The following DDX50 variants were observed in gnomAD, a reference collection of about 807,000 sequenced individuals.
DDX50 encodes ATP-dependent RNA helicase DDX50.
A neutral mutation model predicts 94.8 loss-of-function variants in DDX50; 56 were observed. That is an observed-to-expected ratio of 0.59 (90% CI 0.48 to 0.74). The LOEUF is 0.74. Among genes scored for constraint, DDX50 ranks in the 30% least tolerant of loss-of-function variants. The pLI, the probability that DDX50 is intolerant of heterozygous loss-of-function variation, is 0.00. For missense variants in DDX50, 713 were observed against 881.2 expected, an observed-to-expected ratio of 0.81 and a Z score of 2.42; for synonymous variants, 264 against 295.4, an observed-to-expected ratio of 0.89 and a Z score of 1.09.
Position 68,901,434 on chromosome 10 carries a change from TG to T in DDX50, c.52del (p.Glu18ArgfsTer49). On this transcript the variant is annotated frameshift_variant, in exon 1 of 15. Coordinates refer to ENST00000373585, the MANE Select transcript of DDX50 (RefSeq NM_024045.2). LOFTEE classifies it high-confidence loss of function. ...WGDIMELEAP[L>X]EESESQKKER... ...GACATTATGGAGCTGGAAGCACCCTTGGAGGAGTCCGAGAGCCAGAAGAAGG... is the reference window on the plus strand; with the variant it reads ...GACATTATGGAGCTGGAAGCACCCTTGAGGAGTCCGAGAGCCAGAAGAAGG... The T allele has an allele frequency of 6.3e-7, 1 of 1,576,378 alleles. No individual in the cohort carries two copies. Among genetic ancestry groups the T allele is most frequent in the Non-Finnish European group, 8.6e-7 (1 of 1,161,644 alleles).
intron 2 of DDX50, among the ~76,000 whole-genome samples, chr10:68,909,937 C>T (rs896408096): frequency 7.2e-5 from 11 of 152,172 alleles, no homozygotes; most frequent in South Asian, 4.1e-4. Flanking sequence ...GCTGGGATTA[C>T]GGGCATGAGC....
At chr10:68,902,666 C>G (rs760964334) in intron 1 of DDX50, among the ~76,000 whole-genome samples, 15 of 152,140 alleles carry the variant, frequency 9.9e-5, no homozygotes, top group Non-Finnish European at 1.6e-4. Context: ...TCTACTTTCG[C>G]TCTGTGAATT....
At chr10:68,915,208 T>G (rs1227611337) in intron 7 of DDX50, among the ~76,000 whole-genome samples, 2 of 150,730 alleles carry the variant, frequency 1.3e-5, no homozygotes, top group Admixed American at 1.3e-4. Flanking sequence ...GGTCAGGAGA[T>G]CGAGACCATC....
Position 68,935,685 on chromosome 10 carries a change from A to G in DDX50, c.1522-321A>G, listed in dbSNP as rs1405970573. Reference sequence around the variant, plus strand: ...CCCCATCTCTACTAAAAATACCAAAATTAGCTGGGCATGGTGGTAGACACC... The same window carrying G: ...CCCCATCTCTACTAAAAATACCAAAGTTAGCTGGGCATGGTGGTAGACACC... On this transcript the variant is annotated intron_variant, in intron 10 of 14. Transcript: ENST00000373585. 6.6e-5 allele frequency among the ~76,000 whole-genome samples: 10 copies of G among 152,266 alleles called. No individual in the cohort carries two copies. In the East Asian group the frequency reaches 1.9e-3, roughly 29 times the overall value.
At chr10:68,943,080 G>T in intron 13 of DDX50, 133 bp from the exon 14 acceptor site, 1 of 740,932 alleles carries the variant, frequency 1.3e-6, no homozygotes, top group South Asian at 1.7e-5. Context: ...ATTCTTATTG[G>T]ATACTGTGTT....
Position 68,934,996 on chromosome 10 carries a change from C to A in DDX50, c.1521+78C>A. 1 of 1,479,394 alleles carries A rather than the reference C, an allele frequency of 6.8e-7. No homozygotes were observed. 91.6% of individuals were successfully genotyped at this position (1,479,394 alleles called of 1,614,324 possible). A position where few individuals can be genotyped will look rare whatever the true frequency, so the allele number is the denominator to read the frequency against. Reference sequence around the variant, plus strand: ...AGAGCTCTTCTTATATTTATTCTTACAAGTAGGTCTTCATAACTTTTCTCA... The same window carrying A: ...AGAGCTCTTCTTATATTTATTCTTAAAAGTAGGTCTTCATAACTTTTCTCA... On this transcript the variant is annotated intron_variant, in intron 10 of 14. Transcript: ENST00000373585. The surrounding 1 kb of genome is among the most constrained non-coding windows in gnomAD (Gnocchi z 4.0).
At chr10:68,933,849 C>T (rs1474004606) in intron 8 of DDX50, among the ~76,000 whole-genome samples, 2 of 151,458 alleles carry the variant, frequency 1.3e-5, no homozygotes, top group Non-Finnish European at 2.9e-5. Flanking sequence ...GTAGGAGAAT[C>T]GCTTGAACCT....
rs746277514 is a variant in DDX50 at position 68,906,952 on chromosome 10, G to A, written c.329G>A (p.Arg110Gln). Reference protein sequence around the residue: ...DIDEYEKKSKRVSSLDTSTHK... With the variant: ...DIDEYEKKSKQVSSLDTSTHK... ...GATGAATATGAAAAAAAATCAAAGC[G>A]AGTATCATCTTTAGATACTTCTACT... Residue 110 changes from arginine (R) to glutamine (Q), a missense_variant, in exon 2 of 15, where the codon CGA becomes CAA. By Grantham distance (43) the Arg-to-Gln change is conservative. Transcript: ENST00000373585. 1.2e-5 allele frequency: 19 copies of A among 1,599,256 alleles called. No homozygotes were observed. The highest frequency in any genetic ancestry group is 1.1e-4 in the Admixed American group (6 of 55,024).
chr10:68,933,655 C>T (rs540637617), intron 8 of DDX50, among the ~76,000 whole-genome samples: 4 of 151,378 alleles, frequency 2.6e-5, no homozygotes, highest in Admixed American at 2.0e-4. Flanking sequence ...AAAAAGTGGC[C>T]GGGTGTGGTG....
chr10:68,911,057 T>G lies in DDX50; in HGVS notation c.461-11T>G. On this transcript the variant is annotated splice_polypyrimidine_tract_variant and intron_variant, in intron 3 of 14. Coordinates refer to ENST00000373585, the MANE Select transcript of DDX50 (RefSeq NM_024045.2). ...CGTAAAGAAGTATTTTAATTAAATC[T>G]CATTTTACAGGTCGAGGGGTAACAT... 1 of 1,470,514 alleles carries G rather than the reference T, an allele frequency of 6.8e-7. No individual in the cohort carries two copies. Among genetic ancestry groups the G allele is most frequent in the South Asian group, 1.5e-5 (1 of 64,880 alleles). The allele number at this position is 1,470,514 out of a possible 1,614,324, so 91.1% of individuals were successfully genotyped here. A position where few individuals can be genotyped will look rare whatever the true frequency, so the allele number is the denominator to read the frequency against.
chr10:68,921,125 G>A (rs1841928971), intron 8 of DDX50, among the ~76,000 whole-genome samples: 1 of 151,234 alleles, frequency 6.6e-6, no homozygotes, highest in South Asian at 2.1e-4. Context: ...TGCAAACCCT[G>A]GATATCATAT....
At chr10:68,945,137 T>A (rs142495673) in intron 14 of DDX50, among the ~76,000 whole-genome samples, 3 of 152,322 alleles carry the variant, frequency 2.0e-5, no homozygotes, top group Non-Finnish European at 4.4e-5. Flanking sequence ...CATGTTTATC[T>A]CTTTAAGATG....
At chr10:68,935,964 A>G in intron 10 of DDX50, 42 bp from the exon 11 acceptor site, 1 of 1,358,912 alleles carries the variant, frequency 7.4e-7, no homozygotes, top group African/African-American at 1.5e-5. Flanking sequence ...AATTAATTGT[A>G]AAGACTTCCA....
chr10:68,904,095 G>T (rs919751370), intron 1 of DDX50, among the ~76,000 whole-genome samples: 2 of 149,952 alleles, frequency 1.3e-5, no homozygotes, highest in Non-Finnish European at 2.9e-5. Context: ...AGTGAGCCAA[G>T]ATCACGTCAT....
At chr10:68,925,198 G>C (rs1842052984) in intron 8 of DDX50, among the ~76,000 whole-genome samples, 1 of 147,002 alleles carries the variant, frequency 6.8e-6, no homozygotes, top group Non-Finnish European at 1.5e-5. Context: ...CTGCCTCCCG[G>C]GTTCAAGTGA....
chr10:68,936,120 T>G, intron 11 of DDX50, 41 bp downstream of exon 11: 1 of 1,514,436 alleles, frequency 6.6e-7, no homozygotes, highest in African/African-American at 1.4e-5. Flanking sequence ...TTCTTTTGTA[T>G]TAGGCTATTC....
chr10:68,934,140 T>C lies in DDX50; in HGVS notation c.1240-59T>C. 1 of 1,517,076 alleles carries C rather than the reference T, an allele frequency of 6.6e-7. No homozygotes were observed. 94.0% of individuals were successfully genotyped at this position (1,517,076 alleles called of 1,614,324 possible). On this transcript the variant is annotated intron_variant, in intron 8 of 14. Transcript: ENST00000373585. This position sits in a 1 kb window ranked among gnomAD's most constrained non-coding sequence, Gnocchi z 4.0. ...AAAAGGAGCACAGACTAGATGTTGT[T>C]GTGCTATCAGTTGCAAGTATGAGCT... is the stretch of plus-strand genomic sequence containing the variant.
intron 1 of DDX50, among the ~76,000 whole-genome samples, chr10:68,902,658 T>A (rs1043874528): frequency 6.6e-6 from 1 of 151,238 alleles, no homozygotes; most frequent in Non-Finnish European, 1.5e-5. Context: ...ACTACCATTC[T>A]ACTTTCGCTC....
chr10:68,914,045 T>C lies in DDX50; in HGVS notation c.944-14T>C, dbSNP rs77277303. Reference sequence around the variant, plus strand: ...AAATTAAGAAAACATTTGAATTCTTTTTGTTTATTTAAGATTCTGAAGACA... The same window carrying C: ...AAATTAAGAAAACATTTGAATTCTTCTTGTTTATTTAAGATTCTGAAGACA... On this transcript the variant is annotated splice_polypyrimidine_tract_variant and intron_variant, in intron 6 of 14. Transcript: ENST00000373585. 61,558 of 1,562,584 alleles carry C rather than the reference T, an allele frequency of 0.039. 1,375 individuals are homozygous for C. Among genetic ancestry groups the C allele is most frequent in the Non-Finnish European group, 0.044 (51,616 of 1,161,146 alleles).
Sources: gnomAD v4.1 joint callset for allele counts (sites outside exome capture counted in the v4.1 genomes callset) on GRCh38, gnomAD v4.1.1 for gene constraint, Gnocchi (gnomAD v3.1) non-coding constraint, MANE v1.5 for transcripts, NCBI Gene and HGNC (gene_info 2026-07-23, HGNC 2026-07-21) for gene names.